TRIM61: variants seen among roughly 807,000 people sequenced by gnomAD.
TRIM61 encodes the protein tripartite motif containing 61.
TRIM61 carries 1 observed loss-of-function variant against 14.2 expected under a neutral mutation model. The ratio of observed to expected loss-of-function variants is 0.07; its 90% CI spans 0.03 to 0.33. The LOEUF is 0.33. TRIM61 is among the 10% of genes least tolerant of loss of function. TRIM61 has a pLI of 0.99. For missense variants in TRIM61, 19 were observed against 202.2 expected (o/e 0.09, Z 5.49); for synonymous variants, 8 against 71.6 (o/e 0.11, Z 4.49).
chr4:164,965,497 G>A (rs1277618815), intron 3 of TRIM61, among the ~76,000 whole-genome samples: 2 of 145,004 alleles, frequency 1.4e-5, no homozygotes, highest in Admixed American at 1.4e-4. Context: ...GCAGTGGCGC[G>A]ATCTCGGCTC....
intron 3 of TRIM61, among the ~76,000 whole-genome samples, chr4:164,965,328 A>C (rs1732214349): frequency 6.6e-6 from 1 of 152,150 alleles, no homozygotes; most frequent in Non-Finnish European, 1.5e-5. Flanking sequence ...GAAGCTTTAC[A>C]ATAGCACCTG....
At position 164,974,770 on chromosome 4, in the gene TRIM61, C is replaced by T. The variant is rs1732445612; in HGVS notation, c.-338+1918G>A. ...AGAATACTGTCTCTTACAAACCACT[C>T]TTCCCACCTGCCCACACTAAGCGTG... is the stretch of plus-strand genomic sequence containing the variant. On this transcript the variant is annotated intron_variant, in intron 2 of 4. Transcript: ENST00000329314. Among the ~76,000 whole-genome samples, 3 of 152,174 alleles carry T rather than the reference C, an allele frequency of 2.0e-5. 1 individual carries two copies. In the South Asian group the frequency reaches 6.2e-4, roughly 32 times the overall value.
intron 2 of TRIM61, among the ~76,000 whole-genome samples, chr4:164,972,191 A>G (rs574814513): frequency 2.0e-5 from 3 of 152,352 alleles, no homozygotes; most frequent in African/African-American, 4.8e-5. Flanking sequence ...ACCAGGTTTG[A>G]ATCCTGGCTC....
intron 3 of TRIM61, among the ~76,000 whole-genome samples, chr4:164,967,405 T>G (rs2111143836): frequency 6.6e-6 from 1 of 152,310 alleles, no homozygotes; most frequent in Admixed American, 6.5e-5. Context: ...TGTTAATTCC[T>G]GAATTAACAG....
intron 3 of TRIM61, among the ~76,000 whole-genome samples, chr4:164,964,662 G>GA (rs1398700169): frequency 1.3e-5 from 2 of 152,142 alleles, no homozygotes; most frequent in African/African-American, 4.8e-5. Flanking sequence ...TTATGTAGGG[G>GA]AAAAGAATAT....
chr4:164,957,003 A>G (rs1732007578), intron 3 of TRIM61: 1 of 1,472,060 alleles, frequency 6.8e-7, no homozygotes. Flanking sequence ...AGACCGGGGC[A>G]GCGCCATGTA....
chr4:164,963,744 C>CA lies in TRIM61; in HGVS notation c.525+5733dup, dbSNP rs70952672. The stretch of plus-strand genomic sequence containing the variant: ...GGGCAACAAGAGTGAAACTCTGTTT[C>CA]AAAAAAAAAAAAAAAAAGAAATCAC... On this transcript the variant is annotated intron_variant, in intron 3 of 4. Coordinates refer to ENST00000329314, the MANE Select transcript of TRIM61 (RefSeq NM_001012414.3). Among the ~76,000 whole-genome samples the CA allele has an allele frequency of 1.6e-4, 19 of 117,112 alleles. No individual in the cohort carries two copies. In the South Asian group the frequency reaches 2.2e-3, roughly 14 times the overall value. The allele number at this position is 117,112 out of a possible 152,430, so 76.8% of individuals were successfully genotyped here.
In TRIM61 at chr4:164,957,340, C is replaced by G. The variant is rs138873080; in HGVS notation, c.526-2244G>C. The G allele has an allele frequency of 4.9e-4, 798 of 1,614,096 alleles. 7 individuals are homozygous for G. Among genetic ancestry groups the G allele is most frequent in the South Asian group, 1.6e-3 (146 of 91,070 alleles). On this transcript the variant is annotated intron_variant, in intron 3 of 4. Transcript: ENST00000329314. ...ATTTTAGTGGCAGCATTCCGGCTGT[C>G]ACGCCACCGAAATTGCCAGGCCACT...
chr4:164,959,524 C>T (rs1231297952), intron 3 of TRIM61, among the ~76,000 whole-genome samples: 1 of 151,922 alleles, frequency 6.6e-6, no homozygotes, highest in Non-Finnish European at 1.5e-5. Context: ...TGTGCTAGGC[C>T]CAGCATTACA....
chr4:164,967,149 CATAAAA>C (rs1210690214), intron 3 of TRIM61, among the ~76,000 whole-genome samples: 1 of 152,042 alleles, frequency 6.6e-6, no homozygotes, highest in Non-Finnish European at 1.5e-5. Context: ...AAATAATCAA[CATAAAA>C]AATTAAATAC....
At chr4:164,972,599 C>G (rs1335753244) in intron 2 of TRIM61, among the ~76,000 whole-genome samples, 5 of 152,192 alleles carry the variant, frequency 3.3e-5, no homozygotes, top group African/African-American at 1.2e-4. Context: ...AGTGATTCTC[C>G]TGCCTCAGCC....
chr4:164,972,275 G>A (rs997444292), intron 2 of TRIM61, among the ~76,000 whole-genome samples: 8 of 152,174 alleles, frequency 5.3e-5, no homozygotes. Flanking sequence ...TGTAAAATGG[G>A]AAGTATAACA....
At chr4:164,968,167 A>C (rs1330661066) in intron 3 of TRIM61, 114 bp downstream of exon 3, 4 of 982,606 alleles carry the variant, frequency 4.1e-6, no homozygotes, top group Non-Finnish European at 4.8e-6. Context: ...GAAGAGGAAA[A>C]AGAAAAGAAA....
At chr4:164,975,823 T>C (rs1732468931) in intron 2 of TRIM61, among the ~76,000 whole-genome samples, 1 of 151,992 alleles carries the variant, frequency 6.6e-6, no homozygotes, top group Non-Finnish European at 1.5e-5. Flanking sequence ...TGTGCTGAGG[T>C]GAATTAGTAA....
At chr4:164,961,496 G>A (rs1732135497) in intron 3 of TRIM61, among the ~76,000 whole-genome samples, 1 of 151,800 alleles carries the variant, frequency 6.6e-6, no homozygotes, top group African/African-American at 2.4e-5. Flanking sequence ...GGTGTCATTT[G>A]TGGATACTTG....
At chr4:164,972,287 C>T (rs1423083755) in intron 2 of TRIM61, among the ~76,000 whole-genome samples, 2 of 152,066 alleles carry the variant, frequency 1.3e-5, no homozygotes, top group Non-Finnish European at 2.9e-5. Context: ...AGTATAACAA[C>T]CTCTTTTTCT....
chr4:164,955,211 T>C (rs1174492728), intron 3 of TRIM61: 1 of 154,996 alleles, frequency 6.5e-6, no homozygotes, highest in Non-Finnish European at 1.4e-5. Context: ...ACAGTTCTTT[T>C]GTATGTTGTA....
At chr4:164,969,337 T>C in intron 3 of TRIM61, 2 of 1,521,196 alleles carry the variant, frequency 1.3e-6, no homozygotes, top group African/African-American at 1.4e-5. Flanking sequence ...AATCTGAAAA[T>C]TTTGTTAGGC....
At chr4:164,968,858 A>G (rs1458842829) in intron 3 of TRIM61, 6 of 988,208 alleles carry the variant, frequency 6.1e-6, no homozygotes, top group African/African-American at 3.5e-5. Flanking sequence ...TCCATCCTGT[A>G]CTAAAATTGG....
Sources: allele counts gnomAD v4.1 joint callset (sites outside exome capture counted in the v4.1 genomes callset), GRCh38; gene constraint gnomAD v4.1.1; transcripts MANE v1.5; gene names NCBI Gene and HGNC (gene_info 2026-07-23, HGNC 2026-07-21).